SIL1: variants seen among roughly 807,000 people sequenced by gnomAD.
The protein encoded by SIL1 is nucleotide exchange factor SIL1.
SIL1 carries 40 observed loss-of-function variants against 49.1 expected under a neutral mutation model. The observed-to-expected ratio is 0.81, with a 90% CI of 0.63 to 1.06. The LOEUF (loss-of-function observed/expected upper bound fraction) is 1.06, where lower values mean the gene tolerates loss of function less well. SIL1 is among the 50% of genes least tolerant of loss of function. The pLI, the probability that SIL1 is intolerant of heterozygous loss-of-function variation, is 0.00. For missense variants in SIL1, 500 were observed against 572.6 expected (o/e 0.87, Z 1.29); for synonymous variants, 253 against 250.8 (o/e 1.01, Z -0.08).
chr5:139,121,256 CT>C, intron 2 of SIL1, 83 bp from the exon 3 acceptor site: 2 of 1,577,476 alleles, frequency 1.3e-6, no homozygotes, highest in Non-Finnish European at 8.7e-7. Context: ...GTGGCACGTT[CT>C]TTTCCTCCAT....
chr5:139,091,795 G>A (rs754197993), intron 3 of SIL1, among the ~76,000 whole-genome samples: 1 of 152,108 alleles, frequency 6.6e-6, no homozygotes, highest in Non-Finnish European at 1.5e-5. Flanking sequence ...CAGAAGACTC[G>A]GCTAACCAGG....
At chr5:139,173,474 C>T (rs577608577) in intron 1 of SIL1, among the ~76,000 whole-genome samples, 4 of 152,032 alleles carry the variant, frequency 2.6e-5, no homozygotes, top group Non-Finnish European at 5.9e-5. Flanking sequence ...TGCTTGAACC[C>T]AGGAGGCAGA....
intron 7 of SIL1, among the ~76,000 whole-genome samples, chr5:138,998,455 A>G (rs1343545950): frequency 6.6e-6 from 1 of 152,212 alleles, no homozygotes; most frequent in Non-Finnish European, 1.5e-5. Context: ...AGCGTGAGCC[A>G]CTGTGCTCAG....
At chr5:139,021,082 G>A in intron 7 of SIL1, 89 bp downstream of exon 7, 1 of 1,562,180 alleles carries the variant, frequency 6.4e-7, no homozygotes, top group Non-Finnish European at 8.8e-7. Flanking sequence ...TGAAATGTCA[G>A]TAGCAACAGG....
At chr5:139,054,811 C>G (rs1377523929) in intron 3 of SIL1, among the ~76,000 whole-genome samples, 1 of 152,132 alleles carries the variant, frequency 6.6e-6, no homozygotes, top group Non-Finnish European at 1.5e-5. Context: ...GCAACCACAA[C>G]AGCATTAACT....
At chr5:139,056,469 G>A (rs1396759433) in intron 3 of SIL1, among the ~76,000 whole-genome samples, 8 of 149,768 alleles carry the variant, frequency 5.3e-5, no homozygotes, top group African/African-American at 1.5e-4. Context: ...GAGCGTCTCC[G>A]CCCGGCAGCC....
chr5:139,112,423 T>A (rs1247236399), intron 3 of SIL1, among the ~76,000 whole-genome samples: 1 of 142,074 alleles, frequency 7.0e-6, no homozygotes, highest in Non-Finnish European at 1.5e-5. Context: ...CGGCTGCCCA[T>A]CGTCTGAGAT....
At chr5:139,193,757 G>A (rs1462957324) in intron 1 of SIL1, among the ~76,000 whole-genome samples, 1 of 152,078 alleles carries the variant, frequency 6.6e-6, no homozygotes, top group Admixed American at 6.6e-5. Flanking sequence ...GGTTTGCCCC[G>A]GACTTTCCTG....
chr5:139,096,493 C>T (rs1416844849), intron 3 of SIL1, among the ~76,000 whole-genome samples: 2 of 151,868 alleles, frequency 1.3e-5, no homozygotes, highest in Non-Finnish European at 2.9e-5. Flanking sequence ...GGAATCCTGG[C>T]ATCATCCCTC....
At chr5:138,950,629 C>G (rs1355087218) in intron 9 of SIL1, among the ~76,000 whole-genome samples, 1 of 152,166 alleles carries the variant, frequency 6.6e-6, no homozygotes, top group Non-Finnish European at 1.5e-5. Context: ...TGGTTTTCCT[C>G]TCTCCTCCTT....
At chr5:139,032,756 C>T (rs778090408) in intron 5 of SIL1, 13 of 152,080 alleles carry the variant, frequency 8.5e-5, no homozygotes, top group African/African-American at 3.1e-4. Flanking sequence ...TAGGACTACT[C>T]GTATTATTTC....
chr5:138,965,871 C>T (rs993090087), intron 7 of SIL1, among the ~76,000 whole-genome samples: 16 of 151,754 alleles, frequency 1.1e-4, no homozygotes, highest in African/African-American at 3.9e-4. Flanking sequence ...GCTTTATTGA[C>T]CTTTATATCT....
intron 1 of SIL1, among the ~76,000 whole-genome samples, chr5:139,132,136 G>A (rs1005966325): frequency 2.0e-5 from 3 of 152,116 alleles, no homozygotes; most frequent in African/African-American, 7.2e-5. Context: ...TGGTGCTGGG[G>A]AAAAAGAAGA....
At chr5:138,949,188 C>T (rs1269722518) in intron 9 of SIL1, among the ~76,000 whole-genome samples, 2 of 152,220 alleles carry the variant, frequency 1.3e-5, no homozygotes, top group Admixed American at 1.3e-4. Flanking sequence ...TGCGGCCCTT[C>T]AGCTCCTCAG....
At chr5:139,104,102 G>C (rs771446437) in intron 3 of SIL1, among the ~76,000 whole-genome samples, 38 of 152,228 alleles carry the variant, frequency 2.5e-4, no homozygotes, top group Admixed American at 7.8e-4. Context: ...TTTGTCCTAA[G>C]TCTCTCCCTG....
intron 1 of SIL1, among the ~76,000 whole-genome samples, chr5:139,163,360 T>C (rs1196819689): frequency 1.3e-5 from 2 of 151,638 alleles, no homozygotes; most frequent in Non-Finnish European, 2.9e-5. Context: ...TTCACTGTTT[T>C]GTTTTTTTTT....
At chr5:139,033,688 G>A (rs1768842699) in intron 5 of SIL1, among the ~76,000 whole-genome samples, 1 of 151,734 alleles carries the variant, frequency 6.6e-6, no homozygotes, top group African/African-American at 2.4e-5. Flanking sequence ...AACATACTCT[G>A]CCTAATTTCA....
intron 3 of SIL1, among the ~76,000 whole-genome samples, chr5:139,077,594 G>A (rs1328191991): frequency 3.9e-5 from 6 of 152,084 alleles, no homozygotes; most frequent in African/African-American, 1.4e-4. Context: ...TACCTCTTAA[G>A]CTCAGAAACA....
At position 139,137,577 on chromosome 5, in the gene SIL1, T is replaced by C. The variant is rs370940932; in HGVS notation, c.-10-9724A>G. 6.4e-5 allele frequency: 26 copies of C among 405,350 alleles called. No individual in the cohort carries two copies. The East Asian group carries it at 9.3e-4, about 14-fold the overall frequency. The allele number at this position is 405,350 out of a possible 1,614,324, so 25.1% of individuals were successfully genotyped here. On this transcript the variant is annotated intron_variant, in intron 1 of 9. Transcript: ENST00000394817. The stretch of plus-strand genomic sequence containing the variant: ...TAAGTTTTAGGGTACATGTGCACAA[T>C]GTGCAGGTTTGTTACATATGTATGC...
Sources: allele counts gnomAD v4.1 joint callset (sites outside exome capture counted in the v4.1 genomes callset), GRCh38; gene constraint gnomAD v4.1.1; transcripts MANE v1.5; gene names NCBI Gene and HGNC (gene_info 2026-07-23, HGNC 2026-07-21).